The following ATPAF1 variants were observed in gnomAD, a reference collection of about 807,000 sequenced individuals.
ATPAF1 encodes the protein homolog of yeast ATP11.
ATPAF1 carries 26 observed loss-of-function variants against 43.9 expected under a neutral mutation model. The observed-to-expected ratio is 0.59, with a 90% CI of 0.43 to 0.82. The LOEUF is 0.82. Ranked by LOEUF, ATPAF1 falls within the 40% of genes least tolerant of loss-of-function variation. The pLI, the probability that ATPAF1 is intolerant of heterozygous loss-of-function variation, is 0.00. For missense variants in ATPAF1, 366 were observed against 435.0 expected, an observed-to-expected ratio of 0.84 and a Z score of 1.41; for synonymous variants, 157 against 168.0, an observed-to-expected ratio of 0.93 and a Z score of 0.50.
chr1:46,665,689 C>T, intron 1 of ATPAF1: 1 of 1,535,444 alleles, frequency 6.5e-7, no homozygotes, highest in African/African-American at 1.4e-5. Flanking sequence ...GCTGGATCAC[C>T]TCTTCAGACA....
intron 8 of ATPAF1, among the ~76,000 whole-genome samples, chr1:46,640,197 T>A (rs2148814952): frequency 6.6e-6 from 1 of 152,344 alleles, no homozygotes; most frequent in East Asian, 1.9e-4. Context: ...TTTAACTTCC[T>A]TCAGGCCATA....
intron 2 of ATPAF1, 199 bp downstream of exon 2, chr1:46,665,057 T>G: frequency 1.7e-6 from 1 of 576,932 alleles, no homozygotes; most frequent in Non-Finnish European, 3.1e-6. Context: ...CCTCTCATAC[T>G]TCTATATCTC....
intron 6 of ATPAF1, among the ~76,000 whole-genome samples, chr1:46,648,637 G>A (rs1676101666): frequency 6.6e-6 from 1 of 151,996 alleles, no homozygotes; most frequent in South Asian, 2.1e-4. Context: ...TGACATCTTT[G>A]CCAAACCCAA....
intron 7 of ATPAF1, among the ~76,000 whole-genome samples, 173 bp downstream of exon 7, chr1:46,644,988 T>C (rs972745056): frequency 2.0e-5 from 3 of 152,192 alleles, no homozygotes; most frequent in African/African-American, 7.2e-5. Context: ...TTCTAGGTAT[T>C]GAGGAGGGCC....
chr1:46,645,247 C>A, exon 7 of ATPAF1: 1 of 1,612,284 alleles, frequency 6.2e-7, no homozygotes, highest in Non-Finnish European at 8.5e-7. Flanking sequence ...CTTGGCAGAG[C>A]ACATAGAAAC....
chr1:46,637,887 G>A (rs1675871237), intron 8 of ATPAF1, among the ~76,000 whole-genome samples: 1 of 152,154 alleles, frequency 6.6e-6, no homozygotes, highest in African/African-American at 2.4e-5. Flanking sequence ...GCCAGCCAAG[G>A]TCACAGCCAG....
chr1:46,634,340 CG>C (rs1675798073), downstream of ATPAF1: 1 of 157,144 alleles, frequency 6.4e-6, no homozygotes, highest in African/African-American at 2.4e-5. Context: ...AGGCCAGGCA[CG>C]GTGGCTCACA....
intron 8 of ATPAF1, among the ~76,000 whole-genome samples, chr1:46,640,465 C>T (rs1211921075): frequency 6.6e-6 from 1 of 152,080 alleles, no homozygotes; most frequent in African/African-American, 2.4e-5. Flanking sequence ...CAAAAATTAG[C>T]CAGGTGTGGT....
chr1:46,644,843 G>T (rs1387161973), intron 7 of ATPAF1, among the ~76,000 whole-genome samples: 1 of 152,136 alleles, frequency 6.6e-6, no homozygotes, highest in Non-Finnish European at 1.5e-5. Flanking sequence ...TCTAGCTTGG[G>T]TTAAAAAGAT....
chr1:46,651,229 T>C (rs1426388556), intron 6 of ATPAF1, among the ~76,000 whole-genome samples: 1 of 148,820 alleles, frequency 6.7e-6, no homozygotes, highest in African/African-American at 2.5e-5. Flanking sequence ...GATTCCCACC[T>C]ATGAGTGAGA....
intron 2 of ATPAF1, among the ~76,000 whole-genome samples, chr1:46,662,206 AT>A (rs1387333516): frequency 6.6e-6 from 1 of 152,074 alleles, no homozygotes; most frequent in African/African-American, 2.4e-5. Flanking sequence ...ATAAAGCCAA[AT>A]TTCTAAGTCT....
chr1:46,634,220 C>T (rs962688596), downstream of ATPAF1: 1 of 232,172 alleles, frequency 4.3e-6, no homozygotes, highest in South Asian at 5.8e-5. Context: ...AACACACACA[C>T]ACAAACTGCG....
intron 4 of ATPAF1, among the ~76,000 whole-genome samples, chr1:46,654,480 C>T (rs1676226175): frequency 6.6e-6 from 1 of 151,442 alleles, no homozygotes; most frequent in Non-Finnish European, 1.5e-5. Context: ...AGTCCATTCT[C>T]ACACTGCTAA....
At chr1:46,636,024 T>G in intron 8 of ATPAF1, 54 bp from the exon 9 acceptor site, 1 of 1,587,602 alleles carries the variant, frequency 6.3e-7, no homozygotes, top group Non-Finnish European at 8.6e-7. Context: ...CACAAAGCTC[T>G]TGTCTGAATT....
intron 6 of ATPAF1, among the ~76,000 whole-genome samples, chr1:46,649,964 T>A (rs1050368209): frequency 4.6e-5 from 7 of 152,062 alleles, no homozygotes; most frequent in African/African-American, 1.7e-4. Context: ...AACTGAGCCA[T>A]CCAATCCATG....
chr1:46,668,252 C>G lies in ATPAF1; in HGVS notation c.71G>C (p.Arg24Pro). Reference sequence around the variant, plus strand: ...GCGGCTGCGCACCGCGCACAGGCCCCGGTAGAGACCGGCCACCTGCAGGAC... The same window carrying G: ...GCGGCTGCGCACCGCGCACAGGCCCGGGTAGAGACCGGCCACCTGCAGGAC... The change falls in exon 1 of 9, where the codon CGG becomes CCG. Residue 24 changes from arginine (R) to proline (P), a missense_variant. Around this residue, in one of 2 missense-constraint regions of ATPAF1, gnomAD observed 186 missense variants for 168.5 expected, o/e 1.10. Transcript: ENST00000574428. The surrounding 1 kb of genome is among the most constrained non-coding windows in gnomAD (Gnocchi z 4.4). 7.2e-7 allele frequency: 1 copy of G among 1,390,742 alleles called. No individual in the cohort carries two copies. Among genetic ancestry groups the G allele is most frequent in the Non-Finnish European group, 9.4e-7 (1 of 1,069,268 alleles). 86.2% of individuals were successfully genotyped at this position (1,390,742 alleles called of 1,614,324 possible). A position where few individuals can be genotyped will look rare whatever the true frequency, so the allele number is the denominator to read the frequency against.
chr1:46,638,082 C>T (rs72896683), intron 8 of ATPAF1, among the ~76,000 whole-genome samples: 9,637 of 152,252 alleles, frequency 0.063, 870 homozygotes, highest in East Asian at 0.4. Flanking sequence ...TCTGAGGATA[C>T]CACCACTCTC....
In ATPAF1 at chr1:46,665,339, G is replaced by A. The variant is rs753103755; in HGVS notation, c.292C>T (p.Arg98Cys). 14 of 1,614,202 alleles carry A rather than the reference G, an allele frequency of 8.7e-6. No individual in the cohort carries two copies. The South Asian group carries it at 1.1e-4, about 13-fold the overall frequency. Residue 98 changes from arginine (R) to cysteine (C), a missense_variant, in exon 2 of 9, where the codon CGC (arginine) becomes TGC (cysteine). By Grantham distance (180) the Arg-to-Cys change is radical. Transcript: ENST00000574428. ...CGAAATTCACTGCGTTTCTCCAGGC[G>A]GGACTCAAAAGCAGCTGGGTCTGAC... is the stretch of plus-strand genomic sequence containing the variant.
At chr1:46,639,787 T>C in intron 8 of ATPAF1, among the ~76,000 whole-genome samples, 1 of 152,184 alleles carries the variant, frequency 6.6e-6, no homozygotes, top group Non-Finnish European at 1.5e-5. Context: ...CACAGTCAAG[T>C]TGATTTATAC....
Sources: allele counts gnomAD v4.1 joint callset (sites outside exome capture counted in the v4.1 genomes callset), GRCh38; gene constraint gnomAD v4.1.1; regional missense constraint gnomAD v4.1.1; non-coding constraint Gnocchi (gnomAD v3.1); transcripts MANE v1.5; gene names NCBI Gene and HGNC (gene_info 2026-07-23, HGNC 2026-07-21).